The following PLD4 variants were observed in gnomAD, a reference collection of about 807,000 sequenced individuals.
PLD4 encodes phospholipase D family member 4.
PLD4 carries 54 observed loss-of-function variants against 52.3 expected under a neutral mutation model. The observed-to-expected ratio is 1.03, with a 90% CI of 0.83 to 1.30. The LOEUF (loss-of-function observed/expected upper bound fraction) is 1.30, where lower values mean the gene tolerates loss of function less well. Among genes scored for constraint, PLD4 ranks in the 50% most tolerant of loss-of-function variants. The pLI is 0.00. For missense variants in PLD4, 731 were observed against 671.1 expected, an observed-to-expected ratio of 1.09 and a Z score of -0.99; for synonymous variants, 264 against 286.5, an observed-to-expected ratio of 0.92 and a Z score of 0.79.
At chr14:104,930,598 G>A (rs1897609574) in intron 6 of PLD4, 144 bp from the exon 7 acceptor site, 1 of 813,110 alleles carries the variant, frequency 1.2e-6, no homozygotes, top group Middle Eastern at 3.7e-4. Context: ...CTCTATTACA[G>A]ATTCCTACAG....
chr14:104,933,293 C>A, downstream of PLD4: 1 of 251,652 alleles, frequency 4.0e-6, no homozygotes, highest in Non-Finnish European at 7.6e-6. Flanking sequence ...GCCAAGGGCC[C>A]GCCTCTATGC....
In PLD4 at chr14:104,930,722, C is replaced by A; in HGVS notation, c.718-20C>A. 1.2e-6 allele frequency: 2 copies of A among 1,612,862 alleles called. No individual in the cohort carries two copies. The highest frequency in any genetic ancestry group is 1.7e-6 in the Non-Finnish European group (2 of 1,179,860). On this transcript the variant is annotated intron_variant, in intron 6 of 10. Transcript: ENST00000392593. ...ACAGAGGGGTTTTTCTCCCACAGCG[C>A]CTGACTTTGGTCCCTGCAGGTGAAG...
chr14:104,936,605 C>T (rs1314292173), downstream of PLD4: 1 of 152,604 alleles, frequency 6.6e-6, no homozygotes, highest in Non-Finnish European at 1.5e-5. Context: ...CCTTCACCCT[C>T]CAGGCACTGC....
intron 3 of PLD4, among the ~76,000 whole-genome samples, 158 bp from the exon 4 acceptor site, chr14:104,928,591 T>G (rs1897533003): frequency 6.6e-6 from 1 of 152,210 alleles, no homozygotes; most frequent in South Asian, 2.1e-4. Context: ...TTTTGTTGCC[T>G]ATACCTTAAA....
intron 7 of PLD4, 138 bp downstream of exon 7, chr14:104,931,080 G>T: frequency 1.0e-6 from 1 of 974,236 alleles, no homozygotes; most frequent in Non-Finnish European, 1.5e-6. Context: ...ACCATGGGTG[G>T]GGCTGTGGCC....
rs563469357 is a variant in PLD4 at position 104,931,093 on chromosome 14, G to C, written c.918+151G>C. 4 of 841,876 alleles carry C rather than the reference G, an allele frequency of 4.8e-6. No individual in the cohort carries two copies. In the African/African-American group the frequency reaches 6.8e-5, roughly 14 times the overall value. 52.2% of individuals were successfully genotyped at this position (841,876 alleles called of 1,614,324 possible). A position where few individuals can be genotyped will look rare whatever the true frequency, so the allele number is the denominator to read the frequency against. On this transcript the variant is annotated intron_variant, in intron 7 of 10. Coordinates refer to ENST00000392593, the MANE Select transcript of PLD4 (RefSeq NM_138790.5). ...GCACCATGGGTGGGGCTGTGGCCCT[G>C]GGGTGAGCAGCAAGCAGGCTGGCAT...
At position 104,931,874 on chromosome 14, in the gene PLD4, A is replaced by G; in HGVS notation, c.1045A>G (p.Ser349Gly). 1 of 1,542,190 alleles carries G rather than the reference A, an allele frequency of 6.5e-7. No homozygotes were observed. The highest frequency in any genetic ancestry group is 8.8e-7 in the Non-Finnish European group (1 of 1,140,684). The change falls in exon 8 of 11, where the codon AGC becomes GGC. Residue 349 changes from serine to glycine, a missense_variant. Transcript: ENST00000392593. ...VMEYFPTTRF[S>G]HPPRYWPVLD... is the part of the protein sequence containing the mutation. ...GGAGTATTTCCCCACCACGCGCTTCAGCCACCCCCCGAGGTAGGTCTGAGT... is the reference window on the plus strand; with the variant it reads ...GGAGTATTTCCCCACCACGCGCTTCGGCCACCCCCCGAGGTAGGTCTGAGT...
rs7154387 is a variant in PLD4 at position 104,933,042 on chromosome 14, T to C, written c.*78T>C. The C allele has an allele frequency of 2.2e-3, 3,206 of 1,432,530 alleles. 64 individuals are homozygous for C. The African/African-American group carries it at 0.041, about 18-fold the overall frequency. 88.7% of individuals were successfully genotyped at this position (1,432,530 alleles called of 1,614,324 possible). ...GACCCCGGCCTGGGCTTCAGCCGCT[T>C]CCTCCCGCAAGCAGCCCGGGTCCGC... On this transcript the variant is annotated 3_prime_UTR_variant, in exon 11 of 11. Transcript: ENST00000392593.
Position 104,932,840 on chromosome 14 carries a change from CG to C in PLD4, c.1398del (p.Gln467SerfsTer95). 1 of 1,604,968 alleles carries C rather than the reference CG, an allele frequency of 6.2e-7. No homozygotes were observed. The highest frequency in any genetic ancestry group is 8.5e-7 in the Non-Finnish European group (1 of 1,176,332). On this transcript the variant is annotated frameshift_variant, in exon 11 of 11. Coordinates refer to ENST00000392593, the MANE Select transcript of PLD4 (RefSeq NM_138790.5). LOFTEE classifies it low-confidence loss of function (END_TRUNC). The surrounding 1 kb of genome is among the most constrained non-coding windows in gnomAD (Gnocchi z 6.5). ...VGLVVTQSPGAQPAGATVQEQ... is the reference protein window; with the variant it reads ...VGLVVTQSPGXQPAGATVQEQ... ...TTGGTGGTCACCCAGAGCCCTGGCG[CG>C]CAGCCCGCGGGGGCCACGGTGCAGG...
chr14:104,926,022 C>A (rs990317439), intron 1 of PLD4, among the ~76,000 whole-genome samples: 2 of 152,164 alleles, frequency 1.3e-5, no homozygotes, highest in Non-Finnish European at 2.9e-5. Flanking sequence ...GTTCTCAAAG[C>A]CCTCAGCCCT....
At chr14:104,929,512 G>C (rs1897571992) in intron 5 of PLD4, 85 bp downstream of exon 5, 2 of 1,466,442 alleles carry the variant, frequency 1.4e-6, no homozygotes, top group Non-Finnish European at 1.8e-6. Flanking sequence ...AGGAAAAGAA[G>C]TGAGGGTGGG....
intron 1 of PLD4, among the ~76,000 whole-genome samples, chr14:104,926,630 G>A (rs61996024): frequency 8.5e-5 from 13 of 152,208 alleles, no homozygotes; most frequent in African/African-American, 3.1e-4. Context: ...GGCCAAGACA[G>A]GAGCCCAGCC....
intron 5 of PLD4, 52 bp downstream of exon 5, chr14:104,929,479 T>C: frequency 6.7e-7 from 1 of 1,492,350 alleles, no homozygotes; most frequent in Non-Finnish European, 9.0e-7. Flanking sequence ...GGGCATGGGC[T>C]GTCTGGCTGG....
rs1356035213 is a variant in PLD4 at position 104,932,693 on chromosome 14, C to T, written c.1322-72C>T. ...AACCGTCCCCAAACCCGTAGCCGGGCCTGGCGCTGAGCGGGCTGCAGAGGG... is the reference window on the plus strand; with the variant it reads ...AACCGTCCCCAAACCCGTAGCCGGGTCTGGCGCTGAGCGGGCTGCAGAGGG... On this transcript the variant is annotated intron_variant, in intron 10 of 10. Transcript: ENST00000392593. This position sits in a 1 kb window ranked among gnomAD's most constrained non-coding sequence, Gnocchi z 6.5. 7.1e-7 allele frequency: 1 copy of T among 1,398,902 alleles called. No homozygotes were observed. Among genetic ancestry groups the T allele is most frequent in the Non-Finnish European group, 9.5e-7 (1 of 1,049,016 alleles). 86.7% of individuals were successfully genotyped at this position (1,398,902 alleles called of 1,614,324 possible). A position where few individuals can be genotyped will look rare whatever the true frequency, so the allele number is the denominator to read the frequency against.
rs776959980 is a variant in PLD4, at chr14:104,928,791, A to G, written c.327A>G (p.Ala109=). 9 of 1,607,004 alleles carry G rather than the reference A, an allele frequency of 5.6e-6. No individual in the cohort carries two copies. The highest frequency in any genetic ancestry group is 7.7e-6 in the Non-Finnish European group (9 of 1,175,740). Reference sequence around the variant, plus strand: ...GCATCCCCCAGGACCTGCCATCTGCAGCCGGCAGCCCCTCTGCCCAGCCTC... The same window carrying G: ...GCATCCCCCAGGACCTGCCATCTGCGGCCGGCAGCCCCTCTGCCCAGCCTC... ...VESIPQDLPS[A]AGSPSAQPLG... The change falls in exon 4 of 11, where the codon GCA becomes GCG. Residue 109 remains alanine, a synonymous_variant. Coordinates refer to ENST00000392593, the MANE Select transcript of PLD4 (RefSeq NM_138790.5).
rs980507505 is a variant in PLD4 at position 104,932,690 on chromosome 14, G to A, written c.1322-75G>A. 3.1e-4 allele frequency: 433 copies of A among 1,390,896 alleles called. No homozygotes were observed. The highest frequency in any genetic ancestry group is 3.9e-4 in the Non-Finnish European group (409 of 1,044,160). The allele number at this position is 1,390,896 out of a possible 1,614,324, so 86.2% of individuals were successfully genotyped here. On this transcript the variant is annotated intron_variant, in intron 10 of 10. Transcript: ENST00000392593. This position sits in a 1 kb window ranked among gnomAD's most constrained non-coding sequence, Gnocchi z 6.5. ...GCCAACCGTCCCCAAACCCGTAGCC[G>A]GGCCTGGCGCTGAGCGGGCTGCAGA... is the stretch of plus-strand genomic sequence containing the variant.
rs148098969 is a variant in PLD4 at position 104,931,036 on chromosome 14, C to A, written c.918+94C>A. ...GCCCTCTGGGCTGGCCCTGCAGACA[C>A]CAGCAGCATCAGCTGGGTCCTCAGG... On this transcript the variant is annotated intron_variant, in intron 7 of 10. Coordinates refer to ENST00000392593, the MANE Select transcript of PLD4 (RefSeq NM_138790.5). 7.7e-5 allele frequency: 108 copies of A among 1,406,594 alleles called. No homozygotes were observed. The East Asian group carries it at 1.8e-3, about 23-fold the overall frequency. The allele number at this position is 1,406,594 out of a possible 1,614,324, so 87.1% of individuals were successfully genotyped here. A position where few individuals can be genotyped will look rare whatever the true frequency, so the allele number is the denominator to read the frequency against.
At chr14:104,929,525 A>G (rs764852496) in intron 5 of PLD4, 98 bp downstream of exon 5, 19 of 1,455,756 alleles carry the variant, frequency 1.3e-5, no homozygotes, top group Non-Finnish European at 1.7e-5. Context: ...AGGGTGGGAA[A>G]GGTGCCCTGG....
At chr14:104,933,638 C>T (rs61996025), downstream of PLD4, 1 of 49,114 alleles carries the variant, frequency 2.0e-5, no homozygotes, top group Non-Finnish European at 3.8e-5. Context: ...CTGAGGGGAC[C>T]GGGAGGGCGG....
Sources: allele counts gnomAD v4.1 joint callset (sites outside exome capture counted in the v4.1 genomes callset), GRCh38; gene constraint gnomAD v4.1.1; non-coding constraint Gnocchi (gnomAD v3.1); transcripts MANE v1.5; gene names NCBI Gene and HGNC (gene_info 2026-07-23, HGNC 2026-07-21).